Variants in ANPEP observed in about 807,000 individuals in gnomAD.
ANPEP encodes aminopeptidase N.
In ANPEP, 70 loss-of-function variants were observed where a neutral mutation model predicts 114.6. The ratio of observed to expected loss-of-function variants is 0.61; its 90% CI spans 0.50 to 0.75. ANPEP has a LOEUF of 0.75. ANPEP is among the 30% of genes least tolerant of loss of function. The pLI, the probability that ANPEP is intolerant of heterozygous loss-of-function variation, is 0.00. For synonymous variants in ANPEP, 548 were observed against 522.3 expected (o/e 1.05, Z -0.67); for missense variants, 1,184 against 1,259.5 (o/e 0.94, Z 0.91).
chr15:89,791,232 T>C (rs1395417386), intron 18 of ANPEP, 139 bp from the exon 19 acceptor site: 12 of 968,542 alleles, frequency 1.2e-5, no homozygotes, highest in East Asian at 2.5e-5. Flanking sequence ...GACCCCTTGG[T>C]CCTTCTTCCC....
At chr15:89,805,850 C>T (rs971357145) in intron 2 of ANPEP, 120 bp downstream of exon 2, 27 of 1,361,516 alleles carry the variant, frequency 2.0e-5, no homozygotes, top group Non-Finnish European at 1.7e-5. Context: ...AAGCAATGGG[C>T]CAGTCTCGGG....
chr15:89,793,969 T>C (rs1046727593), intron 15 of ANPEP, among the ~76,000 whole-genome samples: 3 of 152,184 alleles, frequency 2.0e-5, no homozygotes, highest in Admixed American at 2.0e-4. Flanking sequence ...GGCAGGTTGA[T>C]TTCTGTGCCC....
At chr15:89,812,342 A>G (rs1361032321) in intron 1 of ANPEP, among the ~76,000 whole-genome samples, 4 of 152,190 alleles carry the variant, frequency 2.6e-5, no homozygotes, top group Non-Finnish European at 4.4e-5. Context: ...CGAGAAGGGT[A>G]GGGACGAGGC....
intron 1 of ANPEP, among the ~76,000 whole-genome samples, chr15:89,811,514 T>C (rs751723138): frequency 3.2e-4 from 48 of 151,018 alleles, no homozygotes; most frequent in Non-Finnish European, 5.8e-4. Context: ...GGCGTGGTGG[T>C]GGGCGCCTGT....
chr15:89,790,785 C>T (rs1968606055), intron 19 of ANPEP, among the ~76,000 whole-genome samples, 168 bp downstream of exon 19: 1 of 152,192 alleles, frequency 6.6e-6, no homozygotes, highest in South Asian at 2.1e-4. Context: ...AAAGGGACGG[C>T]CCATACCCCA....
rs1157519374 is a variant in ANPEP at position 89,785,397 on chromosome 15, C to A, written c.2856G>T (p.Lys952Asn). The A allele has an allele frequency of 6.2e-7, 1 of 1,614,254 alleles. No homozygotes were observed. Among genetic ancestry groups the A allele is most frequent in the South Asian group, 1.1e-5 (1 of 91,088 alleles). ...EKTKANIKWV[K>N]ENKEVVLQWF... ...ACTGGAGCACCACCTCCTTGTTCTC[C>A]TTCACCCACTTGATGTTGGCTTTCG... is the stretch of plus-strand genomic sequence containing the variant. Residue 952 changes from lysine to asparagine, a missense_variant, in exon 21 of 21, where the codon AAG becomes AAT. Coordinates refer to ENST00000300060, the MANE Select transcript of ANPEP (RefSeq NM_001150.3).
chr15:89,809,501 AAT>A (rs1894781762), intron 1 of ANPEP, among the ~76,000 whole-genome samples: 1 of 152,138 alleles, frequency 6.6e-6, no homozygotes, highest in Non-Finnish European at 1.5e-5. Flanking sequence ...TTGGCTCTAT[AAT>A]GAGAGGTCCC....
chr15:89,786,915 G>A (rs1417864228), intron 20 of ANPEP, among the ~76,000 whole-genome samples: 1 of 152,064 alleles, frequency 6.6e-6, no homozygotes. Flanking sequence ...TTCAACAAAT[G>A]GGACTTGGAC....
chr15:89,792,145 T>C lies in ANPEP; in HGVS notation c.2528+15A>G, dbSNP rs1479685831. On this transcript the variant is annotated intron_variant, in intron 18 of 20. Transcript: ENST00000300060. ...GGAGAGGGCTCTCGCAGTCCCACCC[T>C]GCGCCAAGACTCACCTGTTCAGGAT... 2 of 1,609,876 alleles carry C rather than the reference T, an allele frequency of 1.2e-6. No homozygotes were observed. The highest frequency in any genetic ancestry group is 1.7e-6 in the Non-Finnish European group (2 of 1,177,114).
intron 15 of ANPEP, among the ~76,000 whole-genome samples, chr15:89,795,911 G>A (rs1968718613): frequency 6.6e-6 from 1 of 152,228 alleles, no homozygotes; most frequent in South Asian, 2.1e-4. Flanking sequence ...AGGACTCCAG[G>A]AGGAGTCCAG....
intron 20 of ANPEP, among the ~76,000 whole-genome samples, chr15:89,787,447 A>G (rs888082927): frequency 6.6e-6 from 1 of 152,224 alleles, no homozygotes; most frequent in African/African-American, 2.4e-5. Flanking sequence ...GGGTTAGACA[A>G]TACTTTCTTA....
chr15:89,789,774 T>TAAAAA (rs1455923031), intron 20 of ANPEP, among the ~76,000 whole-genome samples: 1 of 49,260 alleles, frequency 2.0e-5, no homozygotes, highest in Admixed American at 1.6e-4. Context: ...AGACTCAGTC[T>TAAAAA]CAAAAAAAAA....
intron 1 of ANPEP, among the ~76,000 whole-genome samples, 171 bp downstream of exon 1, chr15:89,814,601 C>T (rs1269819352): frequency 1.3e-5 from 2 of 152,330 alleles, no homozygotes. Context: ...AAGAATTCTT[C>T]GCTTTCCCTG....
intron 1 of ANPEP, among the ~76,000 whole-genome samples, chr15:89,811,161 G>A (rs542140688): frequency 1.3e-5 from 2 of 152,188 alleles, no homozygotes; most frequent in African/African-American, 2.4e-5. Context: ...CTCGGGACAG[G>A]TTCCACCCTC....
intron 1 of ANPEP, among the ~76,000 whole-genome samples, chr15:89,808,608 C>T (rs566705751): frequency 1.6e-4 from 25 of 152,334 alleles, no homozygotes; most frequent in African/African-American, 5.3e-4. Context: ...TGTCCCCACC[C>T]CACACCTGCC....
At position 89,796,738 on chromosome 15, in the gene ANPEP, G is replaced by A. The variant is rs556743704; in HGVS notation, c.2157+837C>T. On this transcript the variant is annotated intron_variant, in intron 15 of 20. Coordinates refer to ENST00000300060, the MANE Select transcript of ANPEP (RefSeq NM_001150.3). ...TCTCGATCTGCTGACCTCGTGATCC[G>A]CCTGCCTCGGCCTCCCAAAGTGCTG... 8.6e-4 allele frequency among the ~76,000 whole-genome samples: 130 copies of A among 151,674 alleles called. 1 individual carries two copies. The South Asian group carries it at 0.012, about 14-fold the overall frequency.
chr15:89,803,342 GC>G lies in ANPEP; in HGVS notation c.1504-39del. 3 of 1,613,680 alleles carry G rather than the reference GC, an allele frequency of 1.9e-6. No individual in the cohort carries two copies. Among genetic ancestry groups the G allele is most frequent in the South Asian group, 1.1e-5 (1 of 91,080 alleles). Reference sequence around the variant, plus strand: ...GGGGCACAGTGAGAGCACAGCTGGAGCCCCCCAGGCTCCCCCTCTGTGGTGG... The same window carrying G: ...GGGGCACAGTGAGAGCACAGCTGGAGCCCCCAGGCTCCCCCTCTGTGGTGG... On this transcript the variant is annotated intron_variant, in intron 9 of 20. Coordinates refer to ENST00000300060, the MANE Select transcript of ANPEP (RefSeq NM_001150.3). This position sits in a 1 kb window ranked among gnomAD's most constrained non-coding sequence, Gnocchi z 4.2.
At chr15:89,790,643 A>G in intron 19 of ANPEP, 102 bp from the exon 20 acceptor site, 1 of 1,080,400 alleles carries the variant, frequency 9.3e-7, no homozygotes. Flanking sequence ...AGGAGATGAA[A>G]TGACACGCCC....
chr15:89,790,688 C>T, intron 19 of ANPEP, 147 bp from the exon 20 acceptor site: 1 of 805,496 alleles, frequency 1.2e-6, no homozygotes, highest in African/African-American at 1.7e-5. Flanking sequence ...GGAGTCACAG[C>T]TTGAACACAG....
Sources: allele counts gnomAD v4.1 joint callset (sites outside exome capture counted in the v4.1 genomes callset), GRCh38; gene constraint gnomAD v4.1.1; non-coding constraint Gnocchi (gnomAD v3.1); transcripts MANE v1.5; gene names NCBI Gene and HGNC (gene_info 2026-07-23, HGNC 2026-07-21).